USP3: variants seen among roughly 807,000 people sequenced by gnomAD.
USP3 encodes the protein ubiquitin specific peptidase 3.
A neutral mutation model predicts 72.3 loss-of-function variants in USP3; 20 were observed. The ratio of observed to expected loss-of-function variants is 0.28; its 90% confidence interval spans 0.19 to 0.40. The LOEUF (loss-of-function observed/expected upper bound fraction) is 0.40. Ranked by LOEUF, USP3 falls within the 10% of genes least tolerant of loss-of-function variation. USP3 has a pLI of 1.00. For synonymous variants in USP3, 222 were observed against 225.3 expected, an observed-to-expected ratio of 0.99 and a Z score of 0.13; for missense variants, 479 against 633.9, an observed-to-expected ratio of 0.76 and a Z score of 2.62.
intron 1 of USP3, among the ~76,000 whole-genome samples, chr15:63,530,289 C>T: frequency 7.1e-6 from 1 of 140,428 alleles, no homozygotes; most frequent in Non-Finnish European, 1.5e-5. Context: ...CTCCCTCCTT[C>T]CCTCCCTTCC....
chr15:63,567,302 G>T (rs2066706048), intron 8 of USP3, among the ~76,000 whole-genome samples: 2 of 148,472 alleles, frequency 1.3e-5, no homozygotes, highest in Non-Finnish European at 3.0e-5. Flanking sequence ...AGCCTCCCGA[G>T]TAGCTGGGAT....
chr15:63,570,688 C>G lies in USP3; in HGVS notation c.908+109C>G. ...GGTAGAGGGGTTTCTTGGACATTTG[C>G]TGGAACTTTTCGTGCCCTTGAACTT... On this transcript the variant is annotated intron_variant, in intron 9 of 14. Transcript: ENST00000380324. This position sits in a 1 kb window ranked among gnomAD's most constrained non-coding sequence, Gnocchi z 4.4. 6.7e-7 allele frequency: 1 copy of G among 1,484,918 alleles called. No individual in the cohort carries two copies. The highest frequency in any genetic ancestry group is 1.4e-5 in the African/African-American group (1 of 71,078). The allele number at this position is 1,484,918 out of a possible 1,614,324, so 92.0% of individuals were successfully genotyped here.
At chr15:63,536,905 G>GATT in intron 2 of USP3, 120 bp from the exon 3 acceptor site, 10 of 1,067,256 alleles carry the variant, frequency 9.4e-6, no homozygotes, top group Non-Finnish European at 1.2e-5. Flanking sequence ...ATCACTACAT[G>GATT]ATTGACTGCT....
At chr15:63,533,336 GACA>G (rs2066106742) in intron 2 of USP3, among the ~76,000 whole-genome samples, 1 of 151,878 alleles carries the variant, frequency 6.6e-6, no homozygotes, top group African/African-American at 2.4e-5. Context: ...ACTTTCTATG[GACA>G]ACATCTTCTA....
intron 3 of USP3, among the ~76,000 whole-genome samples, chr15:63,547,982 G>A (rs1305947681): frequency 2.0e-5 from 3 of 150,482 alleles, no homozygotes; most frequent in South Asian, 2.1e-4. Flanking sequence ...GCATGGTAGC[G>A]TGCCTGCAGT....
intron 2 of USP3, among the ~76,000 whole-genome samples, chr15:63,535,792 C>T (rs189491502): frequency 2.5e-4 from 38 of 152,300 alleles, no homozygotes; most frequent in African/African-American, 7.9e-4. Flanking sequence ...CTCCTACTTC[C>T]TCCAAGGTAA....
chr15:63,583,305 G>C (rs1566918493), intron 11 of USP3, among the ~76,000 whole-genome samples: 1 of 151,768 alleles, frequency 6.6e-6, no homozygotes, highest in South Asian at 2.1e-4. Flanking sequence ...GTTTCAAGCA[G>C]ACATTGTCAA....
chr15:63,556,954 C>A, intron 5 of USP3: 1 of 464,444 alleles, frequency 2.2e-6, no homozygotes, highest in Non-Finnish European at 3.9e-6. Context: ...TTCTTCCCAT[C>A]AGCGTTACTG....
chr15:63,580,560 T>C (rs1225359796), intron 11 of USP3, among the ~76,000 whole-genome samples: 1 of 149,088 alleles, frequency 6.7e-6, no homozygotes, highest in Non-Finnish European at 1.5e-5. Context: ...GTTTTAACAG[T>C]TTATATCATG....
Position 63,592,589 on chromosome 15 carries a change from C to T in USP3, c.*1763C>T, listed in dbSNP as rs955755007. ...TCAGCCTCGAAGTAGCTGGCACCAC[C>T]ACACCCAGCTAATTTTTAATATTTT... On this transcript the variant is annotated 3_prime_UTR_variant, in exon 15 of 15. Transcript: ENST00000380324. 1.3e-5 allele frequency: 2 copies of T among 151,696 alleles called. No homozygotes were observed. Among genetic ancestry groups the T allele is most frequent in the African/African-American group, 4.9e-5 (2 of 41,232 alleles). The allele number at this position is 151,696 out of a possible 1,614,324, so 9.4% of individuals were successfully genotyped here. A position where few individuals can be genotyped will look rare whatever the true frequency, so the allele number is the denominator to read the frequency against.
intron 1 of USP3, chr15:63,530,439 C>T (rs964606936): frequency 2.7e-5 from 8 of 293,756 alleles, no homozygotes; most frequent in South Asian, 7.7e-5. Flanking sequence ...GATCCTCCCA[C>T]GTGGCTGAGA....
In USP3 at chr15:63,594,264, C is replaced by T. The variant is rs2067253632; in HGVS notation, c.*3438C>T. The T allele has an allele frequency of 6.6e-6, 1 of 152,170 alleles. No homozygotes were observed. The highest frequency in any genetic ancestry group is 6.5e-5 in the Admixed American group (1 of 15,278). The allele number at this position is 152,170 out of a possible 1,614,324, so 9.4% of individuals were successfully genotyped here. A position where few individuals can be genotyped will look rare whatever the true frequency, so the allele number is the denominator to read the frequency against. ...TGCTGAAGTGGCCTCTTCACCTGGG[C>T]CCTGGAAAAGCCGATGGAAAAAGTC... On this transcript the variant is annotated 3_prime_UTR_variant, in exon 15 of 15. Coordinates refer to ENST00000380324, the MANE Select transcript of USP3 (RefSeq NM_006537.4).
At position 63,558,172 on chromosome 15, in the gene USP3, A is replaced by G. The variant is rs746956291; in HGVS notation, c.517A>G (p.Ile173Val). The G allele has an allele frequency of 6.2e-7, 1 of 1,614,052 alleles. No homozygotes were observed. Among genetic ancestry groups the G allele is most frequent in the South Asian group, 1.1e-5 (1 of 91,076 alleles). ...NLGNTCFMNAILQSLSNIEQF... is the reference protein window; with the variant it reads ...NLGNTCFMNAVLQSLSNIEQF... Reference sequence around the variant, plus strand: ...GGGGAACACATGTTTCATGAATGCCATCCTTCAGTCACTCAGGTAACGCTA... The same window carrying G: ...GGGGAACACATGTTTCATGAATGCCGTCCTTCAGTCACTCAGGTAACGCTA... Residue 173 changes from isoleucine to valine, a missense_variant, in exon 6 of 15, where the codon ATC (isoleucine) becomes GTC (valine). Transcript: ENST00000380324.
intron 8 of USP3, among the ~76,000 whole-genome samples, chr15:63,568,128 G>A (rs2066721694): frequency 6.6e-6 from 1 of 152,034 alleles, no homozygotes. Context: ...GCCGAGGCGG[G>A]CGGATCACGA....
rs746038629 is a variant in USP3 at position 63,538,549 on chromosome 15, CT to C, written c.284+1410del. Among the ~76,000 whole-genome samples, 1,273 of 137,078 alleles carry C rather than the reference CT, an allele frequency of 9.3e-3. 5 individuals are homozygous for C. The highest frequency in any genetic ancestry group is 0.024 in the African/African-American group (922 of 37,718). The allele number at this position is 137,078 out of a possible 152,430, so 89.9% of individuals were successfully genotyped here. ...GGTCAGTGGTTTGCCAGGTCTTTTA[CT>C]TTTTTTTTTTTTTTTTGAAACAGTC... On this transcript the variant is annotated intron_variant, in intron 3 of 14. Coordinates refer to ENST00000380324, the MANE Select transcript of USP3 (RefSeq NM_006537.4).
chr15:63,513,024 C>G (rs890386801), intron 1 of USP3, among the ~76,000 whole-genome samples: 8 of 152,142 alleles, frequency 5.3e-5, no homozygotes, highest in Non-Finnish European at 1.0e-4. Context: ...GATATTGTAA[C>G]CAACTAGATT....
chr15:63,555,911 G>A (rs2066499784), intron 4 of USP3, among the ~76,000 whole-genome samples: 1 of 152,176 alleles, frequency 6.6e-6, no homozygotes, highest in Admixed American at 6.5e-5. Context: ...CTTTTAGAAG[G>A]TGGGAGAGAA....
intron 1 of USP3, among the ~76,000 whole-genome samples, chr15:63,512,132 T>A (rs535986388): frequency 1.3e-5 from 2 of 152,092 alleles, no homozygotes; most frequent in African/African-American, 2.4e-5. Flanking sequence ...ATTTTTTGTA[T>A]CTTTAGTAGA....
chr15:63,589,690 A>G, intron 14 of USP3, among the ~76,000 whole-genome samples: 1 of 152,066 alleles, frequency 6.6e-6, no homozygotes, highest in East Asian at 1.9e-4. Context: ...GAAACTCTCT[A>G]TACTGTAGGT....
Sources: gnomAD v4.1 joint callset for allele counts (sites outside exome capture counted in the v4.1 genomes callset) on GRCh38, gnomAD v4.1.1 for gene constraint, Gnocchi (gnomAD v3.1) non-coding constraint, MANE v1.5 for transcripts, NCBI Gene and HGNC (gene_info 2026-07-23, HGNC 2026-07-21) for gene names.